DLG5: variants seen among roughly 807,000 people sequenced by gnomAD.
The protein encoded by DLG5 is disks large homolog 5.
Under a neutral mutation model 189.8 loss-of-function variants are expected in DLG5, and 48 were observed. The observed-to-expected ratio is 0.25, with a 90% CI of 0.20 to 0.32. The LOEUF (loss-of-function observed/expected upper bound fraction) is 0.32. Among genes scored for constraint, DLG5 ranks in the 10% least tolerant of loss-of-function variants. DLG5 has a pLI of 1.00. For missense variants in DLG5, 2,160 were observed against 2,544.7 expected, an observed-to-expected ratio of 0.85 and a Z score of 3.25; for synonymous variants, 1,016 against 1,054.1, an observed-to-expected ratio of 0.96 and a Z score of 0.70.
At chr10:77,851,934 C>CA (rs1843994815) in intron 5 of DLG5, among the ~76,000 whole-genome samples, 1 of 152,166 alleles carries the variant, frequency 6.6e-6, no homozygotes, top group African/African-American at 2.4e-5. Context: ...CCTGGCATGG[C>CA]ATGAGGAGAC....
Position 77,812,322 on chromosome 10 carries a change from C to A in DLG5, c.4081G>T (p.Gly1361Cys). 1 of 1,614,164 alleles carries A rather than the reference C, an allele frequency of 6.2e-7. No individual in the cohort carries two copies. The highest frequency in any genetic ancestry group is 8.5e-7 in the Non-Finnish European group (1 of 1,180,000). ...TTCTCTCCACTCACGATGGAGATGC[C>A]CAGCGGCTCTGAGCCCTTCTGCACC... ...VKVQKGSEPLGISIVSGEKGG... is the reference protein window; with the variant it reads ...VKVQKGSEPLCISIVSGEKGG... The change falls in exon 21 of 32, where the codon GGC becomes TGC. Residue 1361 changes from glycine to cysteine, a missense_variant. Physicochemically the swap from Gly to Cys is radical, Grantham distance 159 (BLOSUM62 -3). Around this residue, in one of 5 missense-constraint regions of DLG5, gnomAD observed 61 missense variants for 101.0 expected, o/e 0.60. Coordinates refer to ENST00000372391, the MANE Select transcript of DLG5 (RefSeq NM_004747.4).
At chr10:77,822,678 AT>A (rs1270407426) in intron 14 of DLG5, among the ~76,000 whole-genome samples, 2 of 152,100 alleles carry the variant, frequency 1.3e-5, no homozygotes, top group African/African-American at 2.4e-5. Context: ...TGTCTTGAAT[AT>A]TTTTTTTAAA....
At position 77,882,851 on chromosome 10, in the gene DLG5, T is replaced by C. The variant is rs149691140; in HGVS notation, c.305-13654A>G. Among the ~76,000 whole-genome samples the C allele has an allele frequency of 3.0e-3, 444 of 150,506 alleles. 2 individuals carry two copies. Among genetic ancestry groups the C allele is most frequent in the African/African-American group, 0.01 (425 of 40,938 alleles). On this transcript the variant is annotated intron_variant, in intron 1 of 31. Coordinates refer to ENST00000372391, the MANE Select transcript of DLG5 (RefSeq NM_004747.4). ...GGCACGAGAACCTGGGAAACAGAGG[T>C]TGCAGTGGGCCGAGATCACTCCACT... is the stretch of plus-strand genomic sequence containing the variant.
intron 4 of DLG5, 103 bp from the exon 5 acceptor site, chr10:77,853,640 C>G (rs908361185): frequency 1.9e-5 from 23 of 1,224,516 alleles, no homozygotes; most frequent in Non-Finnish European, 2.4e-5. Flanking sequence ...CCCGTAGATA[C>G]AGCGGACAGG....
chr10:77,886,645 G>A (rs1437426727), intron 1 of DLG5, among the ~76,000 whole-genome samples: 1 of 152,128 alleles, frequency 6.6e-6, no homozygotes, highest in Non-Finnish European at 1.5e-5. Flanking sequence ...GTGAGCCAAC[G>A]CGCCCTGCCA....
intron 9 of DLG5, among the ~76,000 whole-genome samples, chr10:77,831,506 A>G (rs1842895850): frequency 6.6e-6 from 1 of 152,246 alleles, no homozygotes; most frequent in Non-Finnish European, 1.5e-5. Flanking sequence ...CAGAATCACT[A>G]AAACTATTTT....
chr10:77,865,140 T>C (rs560231971), intron 2 of DLG5, among the ~76,000 whole-genome samples: 2 of 152,324 alleles, frequency 1.3e-5, no homozygotes, highest in Admixed American at 6.5e-5. Flanking sequence ...CAGAACAGAA[T>C]AGCCAGTCGT....
intron 7 of DLG5, 94 bp from the exon 8 acceptor site, chr10:77,836,016 T>C: frequency 7.4e-7 from 1 of 1,349,828 alleles, no homozygotes; most frequent in Non-Finnish European, 1.0e-6. Context: ...GCTGAGGCTC[T>C]AGGGAGCTGG....
chr10:77,792,630 C>G, intron 31 of DLG5, 87 bp from the exon 32 acceptor site: 1 of 1,222,898 alleles, frequency 8.2e-7, no homozygotes, highest in Non-Finnish European at 1.2e-6. Flanking sequence ...ACTCTTTCTA[C>G]TGTGTGGCTG....
chr10:77,795,935 A>T (rs953692922), intron 29 of DLG5, 126 bp downstream of exon 29: 113 of 1,412,850 alleles, frequency 8.0e-5, no homozygotes, highest in Non-Finnish European at 1.1e-4. Flanking sequence ...ACTCAGACTA[A>T]CACAACACGG....
intron 7 of DLG5, among the ~76,000 whole-genome samples, chr10:77,840,254 T>A (rs1038227594): frequency 4.0e-5 from 6 of 151,852 alleles, no homozygotes; most frequent in Non-Finnish European, 8.8e-5. Flanking sequence ...GGTGCTCGCC[T>A]ATAGTCCCAG....
At chr10:77,793,876 G>C (rs1840767341) in intron 31 of DLG5, 132 bp downstream of exon 31, 2 of 745,696 alleles carry the variant, frequency 2.7e-6, no homozygotes, top group African/African-American at 3.5e-5. Context: ...TGACTTGTCA[G>C]GAACGTGCTC....
At chr10:77,866,062 C>T (rs1844669320) in intron 2 of DLG5, among the ~76,000 whole-genome samples, 1 of 152,176 alleles carries the variant, frequency 6.6e-6, no homozygotes, top group Non-Finnish European at 1.5e-5. Flanking sequence ...TTCCTAAGAT[C>T]ACCATGTGAC....
intron 1 of DLG5, among the ~76,000 whole-genome samples, chr10:77,872,742 C>T (rs1277013835): frequency 2.0e-5 from 3 of 152,086 alleles, no homozygotes; most frequent in African/African-American, 4.8e-5. Flanking sequence ...CTTTCAAGGC[C>T]GGTTGCTTCC....
At chr10:77,868,449 C>A (rs140502532) in intron 2 of DLG5, 16 of 287,034 alleles carry the variant, frequency 5.6e-5, no homozygotes, top group African/African-American at 3.3e-4. Context: ...GTGACTCCCC[C>A]TCCCAGAATG....
At chr10:77,851,134 C>T (rs1429186408) in intron 5 of DLG5, among the ~76,000 whole-genome samples, 1 of 152,262 alleles carries the variant, frequency 6.6e-6, no homozygotes, top group Non-Finnish European at 1.5e-5. Flanking sequence ...CTTAGAGGGC[C>T]ATCCCCTCGG....
chr10:77,814,463 A>ATT (rs1162275324), intron 20 of DLG5, among the ~76,000 whole-genome samples: 7 of 15,008 alleles, frequency 4.7e-4, no homozygotes, highest in African/African-American at 3.5e-3. Context: ...AAGCATGTTT[A>ATT]TATATATATA....
chr10:77,864,079 G>A (rs1426243992), intron 2 of DLG5, among the ~76,000 whole-genome samples: 1 of 152,200 alleles, frequency 6.6e-6, no homozygotes, highest in Non-Finnish European at 1.5e-5. Context: ...CCCCATCACA[G>A]GAATCCTCAG....
chr10:77,880,019 A>G (rs1319636824), intron 1 of DLG5, among the ~76,000 whole-genome samples: 1 of 152,184 alleles, frequency 6.6e-6, no homozygotes, highest in Non-Finnish European at 1.5e-5. Flanking sequence ...CACCCAAGGA[A>G]GGAGTACAGA....
Sources: allele counts gnomAD v4.1 joint callset (sites outside exome capture counted in the v4.1 genomes callset), GRCh38; gene constraint gnomAD v4.1.1; regional missense constraint gnomAD v4.1.1; transcripts MANE v1.5; gene names NCBI Gene and HGNC (gene_info 2026-07-23, HGNC 2026-07-21).